PPP4R1: variants seen among roughly 807,000 people sequenced by gnomAD.
The protein encoded by PPP4R1 is protein phosphatase 4 regulatory subunit 1.
Under a neutral mutation model 111.2 loss-of-function variants are expected in PPP4R1, and 42 were observed. The observed-to-expected ratio is 0.38, with a 90% CI of 0.29 to 0.49. PPP4R1 has a LOEUF of 0.49. Ranked by LOEUF, PPP4R1 falls within the 20% of genes least tolerant of loss-of-function variation. The pLI is 0.97. For synonymous variants in PPP4R1, 409 were observed against 405.5 expected, an observed-to-expected ratio of 1.01 and a Z score of -0.10; for missense variants, 1,012 against 1,161.6, an observed-to-expected ratio of 0.87 and a Z score of 1.87.
chr18:9,558,646 A>G (rs1229081928), intron 14 of PPP4R1, among the ~76,000 whole-genome samples: 1 of 152,070 alleles, frequency 6.6e-6, no homozygotes, highest in Non-Finnish European at 1.5e-5. Flanking sequence ...ACAATTACTA[A>G]GAAGTTTAAG....
chr18:9,570,888 A>G (rs1197009516), intron 10 of PPP4R1, among the ~76,000 whole-genome samples: 2 of 152,222 alleles, frequency 1.3e-5, no homozygotes, highest in Non-Finnish European at 2.9e-5. Context: ...AATACCTGTT[A>G]AGTATAAGTC....
intron 11 of PPP4R1, among the ~76,000 whole-genome samples, chr18:9,568,170 T>A (rs1598909534): frequency 6.6e-6 from 1 of 151,792 alleles, no homozygotes. Flanking sequence ...ACTACAGGAG[T>A]GTGCAATCAT....
At chr18:9,617,177 G>A (rs1282296975), upstream of PPP4R1, 1 of 152,132 alleles carries the variant, frequency 6.6e-6, no homozygotes, top group Non-Finnish European at 1.5e-5. Context: ...TGTGTTGTCC[G>A]TGGTCAGACA....
rs890259293 is a variant in PPP4R1, at chr18:9,573,715, A to T, written c.1047-3032T>A. ...TGGGCTGAAGCGATCCTCCTGCCTC[A>T]GCCTCCTAAAGTGATGGAATTACAG... On this transcript the variant is annotated intron_variant, in intron 10 of 19. Coordinates refer to ENST00000400556, the MANE Select transcript of PPP4R1 (RefSeq NM_001042388.3). 3.3e-5 allele frequency among the ~76,000 whole-genome samples: 5 copies of T among 152,310 alleles called. 1 individual carries two copies. The highest frequency in any genetic ancestry group is 2.6e-4 in the Admixed American group (4 of 15,300).
At chr18:9,613,757 G>A (rs1377506798) in intron 2 of PPP4R1, 1 of 152,522 alleles carries the variant, frequency 6.6e-6, no homozygotes, top group Non-Finnish European at 1.5e-5. Flanking sequence ...GAGCCCAGAC[G>A]GCTAGCCGGG....
chr18:9,607,886 G>C (rs2067510796), intron 2 of PPP4R1, among the ~76,000 whole-genome samples: 1 of 150,090 alleles, frequency 6.7e-6, no homozygotes, highest in Non-Finnish European at 1.5e-5. Context: ...AGGTTCAAGT[G>C]ATTCTCCTGC....
chr18:9,549,239 C>T lies in PPP4R1; in HGVS notation c.2647G>A (p.Val883Met). Residue 883 changes from valine (V) to methionine (M), a missense_variant, in exon 19 of 20, where the codon GTG becomes ATG. Transcript: ENST00000400556. ...TGTCTTAATGTCTTTGCAAGCAGCA[C>T]TCGCACGTTAGGAACCCTGTCATTT... ...LANDRVPNVR[V>M]LLAKTLRQTL... is the part of the protein sequence containing the mutation. 5.0e-6 allele frequency: 8 copies of T among 1,614,058 alleles called. No individual in the cohort carries two copies. Among genetic ancestry groups the T allele is most frequent in the Non-Finnish European group, 6.8e-6 (8 of 1,179,918 alleles).
chr18:9,553,312 T>C lies in PPP4R1; in HGVS notation c.2291+10A>G. On this transcript the variant is annotated intron_variant, in intron 16 of 19. Coordinates refer to ENST00000400556, the MANE Select transcript of PPP4R1 (RefSeq NM_001042388.3). ...TCCAAAACATAATCTAATAAACTGT[T>C]AGAACTTACTCAGCCAGTTCAGCTC... 1 of 1,544,388 alleles carries C rather than the reference T, an allele frequency of 6.5e-7. No homozygotes were observed. Among genetic ancestry groups the C allele is most frequent in the Non-Finnish European group, 8.9e-7 (1 of 1,118,216 alleles).
At position 9,614,108 on chromosome 18, in the gene PPP4R1, G is replaced by T; in HGVS notation, c.52+118C>A. ...CGATCGCCACCCCAGCCCGCCTGGG[G>T]CCGCCCTCGCCCACCGTCCCCTCAG... On this transcript the variant is annotated intron_variant, in intron 2 of 19. Coordinates refer to ENST00000400556, the MANE Select transcript of PPP4R1 (RefSeq NM_001042388.3). This position sits in a 1 kb window ranked among gnomAD's most constrained non-coding sequence, Gnocchi z 4.1. 1 of 923,586 alleles carries T rather than the reference G, an allele frequency of 1.1e-6. No individual in the cohort carries two copies. The highest frequency in any genetic ancestry group is 1.4e-6 in the Non-Finnish European group (1 of 717,744). 57.2% of individuals were successfully genotyped at this position (923,586 alleles called of 1,614,324 possible).
At chr18:9,558,935 G>C (rs2066630499) in intron 14 of PPP4R1, among the ~76,000 whole-genome samples, 1 of 152,150 alleles carries the variant, frequency 6.6e-6, no homozygotes. Context: ...GATGAGGAGA[G>C]AGCAAGAACC....
chr18:9,591,764 T>C (rs891841384), intron 4 of PPP4R1, among the ~76,000 whole-genome samples: 3 of 152,114 alleles, frequency 2.0e-5, no homozygotes, highest in Admixed American at 2.0e-4. Flanking sequence ...ATCCAACAAT[T>C]CATCCTTATA....
chr18:9,554,274 CATG>C (rs2066534607), intron 15 of PPP4R1, among the ~76,000 whole-genome samples: 1 of 151,860 alleles, frequency 6.6e-6, no homozygotes, highest in Non-Finnish European at 1.5e-5. Flanking sequence ...ACTACAGGCG[CATG>C]CCACCACGCC....
At chr18:9,594,496 A>C (rs939461224) in intron 3 of PPP4R1, among the ~76,000 whole-genome samples, 1 of 152,180 alleles carries the variant, frequency 6.6e-6, no homozygotes. Context: ...ACAAAATGTT[A>C]CCCTTACATA....
chr18:9,560,546 T>C (rs1368012807), intron 13 of PPP4R1, among the ~76,000 whole-genome samples: 1 of 152,180 alleles, frequency 6.6e-6, no homozygotes, highest in African/African-American at 2.4e-5. Context: ...ATCTTGAATT[T>C]TGAGCTACAT....
intron 10 of PPP4R1, among the ~76,000 whole-genome samples, chr18:9,574,272 A>T (rs1157080132): frequency 6.6e-6 from 1 of 152,336 alleles, no homozygotes; most frequent in African/African-American, 2.4e-5. Context: ...ACATAAGTTT[A>T]TAATTAATAT....
At chr18:9,554,114 C>T (rs2066530923) in intron 15 of PPP4R1, among the ~76,000 whole-genome samples, 1 of 151,612 alleles carries the variant, frequency 6.6e-6, no homozygotes, top group African/African-American at 2.4e-5. Context: ...TTGTGGAACT[C>T]AGCAAACAAC....
intron 4 of PPP4R1, among the ~76,000 whole-genome samples, chr18:9,590,523 T>C (rs1159715942): frequency 6.6e-6 from 1 of 152,166 alleles, no homozygotes; most frequent in Non-Finnish European, 1.5e-5. Context: ...AAAAATGAAA[T>C]CAGCAACTTT....
Position 9,547,622 on chromosome 18 carries a change from C to G in PPP4R1, c.*167G>C. 1.5e-6 allele frequency: 1 copy of G among 678,054 alleles called. No homozygotes were observed. The highest frequency in any genetic ancestry group is 4.3e-4 in the Middle Eastern group (1 of 2,330). The allele number at this position is 678,054 out of a possible 1,614,324, so 42.0% of individuals were successfully genotyped here. On this transcript the variant is annotated 3_prime_UTR_variant, in exon 20 of 20. Coordinates refer to ENST00000400556, the MANE Select transcript of PPP4R1 (RefSeq NM_001042388.3). Reference sequence around the variant, plus strand: ...TAGTGTTTACTGTACTTTCTCTTGACTCTTGAAATCCCTGGTATTGGGTGT... The same window carrying G: ...TAGTGTTTACTGTACTTTCTCTTGAGTCTTGAAATCCCTGGTATTGGGTGT...
chr18:9,616,424 C>T (rs145408172), upstream of PPP4R1, among the ~76,000 whole-genome samples: 1,768 of 152,280 alleles, frequency 0.012, 17 homozygotes, highest in Non-Finnish European at 0.018. Flanking sequence ...GCACAGGCCA[C>T]TCCACCTGGC....
Sources: gnomAD v4.1 joint callset for allele counts (sites outside exome capture counted in the v4.1 genomes callset) on GRCh38, gnomAD v4.1.1 for gene constraint, Gnocchi (gnomAD v3.1) non-coding constraint, MANE v1.5 for transcripts, NCBI Gene and HGNC (gene_info 2026-07-23, HGNC 2026-07-21) for gene names.